The following ARB2A variants were observed in gnomAD, a reference collection of about 807,000 sequenced individuals.
The protein encoded by ARB2A is ARB2 cotranscriptional regulator A, also known as cotranscriptional regulator ARB2A.
At chr5:94,065,391 G>A in the ARB2A span, among the ~76,000 whole-genome samples, 44 of 152,296 alleles carry the variant, frequency 2.9e-4, no homozygotes, top group Middle Eastern at 3.4e-3. Flanking sequence ...GCACATGCCT[G>A]TAGTCCCAGA....
the ARB2A span, among the ~76,000 whole-genome samples, chr5:94,110,077 G>T: frequency 6.6e-6 from 1 of 151,930 alleles, no homozygotes; most frequent in Non-Finnish European, 1.5e-5. Flanking sequence ...GTAGAGACGG[G>T]GTTCACCGTG....
At chr5:93,922,629 GAAAA>G in the ARB2A span, among the ~76,000 whole-genome samples, 1 of 90,042 alleles carries the variant, frequency 1.1e-5, no homozygotes. Context: ...GAGGGGAGGG[GAAAA>G]GAAAGAAAGG....
the ARB2A span, among the ~76,000 whole-genome samples, chr5:94,086,294 T>C: frequency 6.6e-6 from 1 of 152,142 alleles, no homozygotes; most frequent in African/African-American, 2.4e-5. Context: ...ACACAACACA[T>C]AACAACATTT....
At chr5:93,950,919 G>A in the ARB2A span, among the ~76,000 whole-genome samples, 1 of 150,300 alleles carries the variant, frequency 6.7e-6, no homozygotes, top group Non-Finnish European at 1.5e-5. Flanking sequence ...ACTCCAGCCT[G>A]GGTGACAGAG....
At chr5:93,696,617 T>C in the ARB2A span, among the ~76,000 whole-genome samples, 1 of 152,234 alleles carries the variant, frequency 6.6e-6, no homozygotes, top group African/African-American at 2.4e-5. Context: ...TCACTCATTC[T>C]TGGTAATACT....
chr5:93,870,096 G>A, the ARB2A span, among the ~76,000 whole-genome samples: 1 of 152,226 alleles, frequency 6.6e-6, no homozygotes, highest in Non-Finnish European at 1.5e-5. Flanking sequence ...AGCCTAAAAT[G>A]GGCAAGTGAT....
At chr5:93,740,443 T>C in the ARB2A span, 5 of 956,886 alleles carry the variant, frequency 5.2e-6, no homozygotes, top group African/African-American at 1.7e-5. Flanking sequence ...TTCCCTACTA[T>C]GTATCCTTAA....
At chr5:93,975,725 T>C in the ARB2A span, among the ~76,000 whole-genome samples, 1 of 151,882 alleles carries the variant, frequency 6.6e-6, no homozygotes, top group African/African-American at 2.4e-5. Flanking sequence ...CCTCCCAAGA[T>C]AGAATGAGGA....
the ARB2A span, among the ~76,000 whole-genome samples, chr5:93,877,091 G>A: frequency 1.9e-3 from 284 of 152,134 alleles, 2 homozygotes; most frequent in African/African-American, 5.8e-3. Context: ...TGGACTTTTC[G>A]TTTTGTGTCC....
chr5:93,749,247 G>A, the ARB2A span, among the ~76,000 whole-genome samples: 1 of 152,158 alleles, frequency 6.6e-6, no homozygotes, highest in East Asian at 1.9e-4. Context: ...AAGCAGATAT[G>A]AAGTGACCAA....
chr5:93,873,490 CTG>C, the ARB2A span, among the ~76,000 whole-genome samples: 4 of 151,926 alleles, frequency 2.6e-5, no homozygotes, highest in African/African-American at 9.7e-5. Context: ...AAAAAATCTA[CTG>C]TGTTTACTAG....
the ARB2A span, among the ~76,000 whole-genome samples, chr5:94,006,263 A>T: frequency 6.6e-6 from 1 of 152,218 alleles, no homozygotes; most frequent in Non-Finnish European, 1.5e-5. Context: ...GAGTAAAAAC[A>T]GCCAATCCCA....
At chr5:93,703,519 C>T in the ARB2A span, among the ~76,000 whole-genome samples, 1 of 152,186 alleles carries the variant, frequency 6.6e-6, no homozygotes, top group Non-Finnish European at 1.5e-5. Context: ...TAACTTAATG[C>T]TTTCTCTTTC....
chr5:93,801,778 A>T, the ARB2A span, among the ~76,000 whole-genome samples: 8 of 152,112 alleles, frequency 5.3e-5, no homozygotes, highest in Non-Finnish European at 1.2e-4. Context: ...AGCGGGTGTC[A>T]GCAAGCCCTA....
chr5:93,955,933 ATG>A, the ARB2A span, among the ~76,000 whole-genome samples: 1 of 152,234 alleles, frequency 6.6e-6, no homozygotes, highest in South Asian at 2.1e-4. Context: ...AAAAAGGTGT[ATG>A]TGAGTAAAGG....
At chr5:93,976,862 G>T in the ARB2A span, among the ~76,000 whole-genome samples, 2 of 152,036 alleles carry the variant, frequency 1.3e-5, no homozygotes, top group Non-Finnish European at 2.9e-5. Context: ...AAACCCTAAA[G>T]ATTCCACTAT....
At chr5:93,815,953 C>T in the ARB2A span, among the ~76,000 whole-genome samples, 19 of 152,166 alleles carry the variant, frequency 1.2e-4, no homozygotes, top group Admixed American at 1.2e-3. Context: ...CCTCCTGAAA[C>T]TATCCTGAAC....
chr5:93,847,710 T>C, the ARB2A span, among the ~76,000 whole-genome samples: 14 of 152,294 alleles, frequency 9.2e-5, no homozygotes, highest in East Asian at 2.3e-3. Flanking sequence ...ATATATTACA[T>C]GTATTATGAA....
At chr5:94,043,990 C>T in the ARB2A span, among the ~76,000 whole-genome samples, 1 of 152,194 alleles carries the variant, frequency 6.6e-6, no homozygotes, top group Non-Finnish European at 1.5e-5. Context: ...AATTATGGTA[C>T]ACTTGTTACT....
Sources: gnomAD v4.1 joint callset for allele counts (sites outside exome capture counted in the v4.1 genomes callset) on GRCh38, gnomAD v4.1.1 for gene constraint, MANE v1.5 for transcripts, NCBI Gene and HGNC (gene_info 2026-07-23, HGNC 2026-07-21) for gene names.